Variants in IL1RAPL2 observed in about 807,000 individuals in gnomAD.
The protein encoded by IL1RAPL2 is X-linked interleukin-1 receptor accessory protein-like 2.
IL1RAPL2 carries 3 observed loss-of-function variants against 44.1 expected under a neutral mutation model. That is an observed-to-expected ratio of 0.07 (90% confidence interval 0.03 to 0.18). The LOEUF is 0.18. Ranked by LOEUF, IL1RAPL2 falls within the 10% of genes least tolerant of loss-of-function variation. The pLI, the probability that IL1RAPL2 is intolerant of heterozygous loss-of-function variation, is 1.00. For missense variants in IL1RAPL2, 391 were observed against 496.4 expected (o/e 0.79, Z 2.02); for synonymous variants, 181 against 178.8 (o/e 1.01, Z -0.10).
intron 2 of IL1RAPL2, among the ~76,000 whole-genome samples, chrX:105,019,416 G>T (rs911109614): frequency 1.6e-4 from 18 of 111,149 alleles, no homozygotes; most frequent in Middle Eastern, 4.7e-3. Flanking sequence ...GATTACTAAG[G>T]TATAATTAGT....
intron 5 of IL1RAPL2, among the ~76,000 whole-genome samples, chrX:105,354,465 A>G (rs954285813): frequency 7.8e-5 from 7 of 89,524 alleles, no homozygotes; most frequent in Admixed American, 1.3e-4. Flanking sequence ...GAACACATGG[A>G]CACAGGAAGG....
intron 2 of IL1RAPL2, among the ~76,000 whole-genome samples, chrX:105,053,006 G>A (rs1454123067): frequency 9.0e-6 from 1 of 110,501 alleles, no homozygotes; most frequent in African/African-American, 3.3e-5. Flanking sequence ...AGTTTGCTGA[G>A]GATGATGGCT....
chrX:104,888,236 CAGAG>C (rs201487810), intron 2 of IL1RAPL2, among the ~76,000 whole-genome samples: 212 of 88,122 alleles, frequency 2.4e-3, no homozygotes, highest in Non-Finnish European at 2.9e-3. Context: ...GACAGAAAGT[CAGAG>C]AGAGAGAGAG....
chrX:105,243,007 G>A (rs782590597), intron 4 of IL1RAPL2, among the ~76,000 whole-genome samples: 1 of 110,707 alleles, frequency 9.0e-6, no homozygotes, highest in Non-Finnish European at 1.9e-5. Flanking sequence ...GCTGAGGCAG[G>A]AGGATCACTT....
intron 1 of IL1RAPL2, among the ~76,000 whole-genome samples, chrX:104,612,775 C>T (rs1929189643): frequency 9.0e-6 from 1 of 111,278 alleles, no homozygotes; most frequent in African/African-American, 3.3e-5. Flanking sequence ...GGCAGTATGG[C>T]TATTTTAATG....
At chrX:105,203,677 A>G (rs960546969) in intron 3 of IL1RAPL2, among the ~76,000 whole-genome samples, 1 of 111,820 alleles carries the variant, frequency 8.9e-6, no homozygotes, top group Non-Finnish European at 1.9e-5. Context: ...TGGGCATGCC[A>G]GTTTTCAGTT....
chrX:104,845,529 T>C (rs1295661807), intron 2 of IL1RAPL2, among the ~76,000 whole-genome samples: 2 of 112,268 alleles, frequency 1.8e-5, no homozygotes, highest in Non-Finnish European at 3.8e-5. Flanking sequence ...ATAATTATCT[T>C]GGCTACAAGG....
At chrX:104,904,210 A>C (rs888469382) in intron 2 of IL1RAPL2, among the ~76,000 whole-genome samples, 10 of 100,315 alleles carry the variant, frequency 1.0e-4, no homozygotes, top group Non-Finnish European at 1.8e-4. Flanking sequence ...TAACATGGAA[A>C]GTACTTATCT....
chrX:104,877,603 A>G (rs1306549327), intron 2 of IL1RAPL2, among the ~76,000 whole-genome samples: 1 of 112,591 alleles, frequency 8.9e-6, no homozygotes, highest in South Asian at 3.6e-4. Context: ...AATCAGCATT[A>G]GTGTAGAACT....
chrX:105,504,522 G>GA (rs1054062206), intron 6 of IL1RAPL2, among the ~76,000 whole-genome samples: 1 of 110,839 alleles, frequency 9.0e-6, no homozygotes, highest in Non-Finnish European at 1.9e-5. Context: ...TTATAGATCA[G>GA]AAAAAAAATG....
chrX:104,714,599 A>C (rs2147559819), intron 2 of IL1RAPL2, among the ~76,000 whole-genome samples: 1 of 111,411 alleles, frequency 9.0e-6, no homozygotes, highest in South Asian at 3.7e-4. Context: ...TTCTTTATAA[A>C]GTATTCTGTC....
intron 3 of IL1RAPL2, among the ~76,000 whole-genome samples, chrX:105,223,647 G>A (rs781787564): frequency 2.7e-5 from 3 of 111,867 alleles, no homozygotes; most frequent in African/African-American, 9.8e-5. Context: ...CTGTTAAGAG[G>A]TTCCTTCAAC....
intron 5 of IL1RAPL2, among the ~76,000 whole-genome samples, chrX:105,437,945 T>A (rs1307420207): frequency 8.9e-6 from 1 of 111,904 alleles, no homozygotes; most frequent in Non-Finnish European, 1.9e-5. Flanking sequence ...GCTAAAAGTA[T>A]GAGATTAATA....
chrX:105,261,367 C>T (rs923382211), intron 4 of IL1RAPL2, among the ~76,000 whole-genome samples: 5 of 112,124 alleles, frequency 4.5e-5, no homozygotes, highest in Admixed American at 1.9e-4. Context: ...TGTATTTACT[C>T]GCCCCTTCTT....
At chrX:105,570,278 G>A (rs761871605) in intron 6 of IL1RAPL2, among the ~76,000 whole-genome samples, 2 of 111,775 alleles carry the variant, frequency 1.8e-5, no homozygotes, top group Non-Finnish European at 3.8e-5. Flanking sequence ...CATCCAAATG[G>A]CTGCAAAGGC....
chrX:104,734,488 T>C (rs1359133677), intron 2 of IL1RAPL2, among the ~76,000 whole-genome samples: 1 of 112,583 alleles, frequency 8.9e-6, no homozygotes, highest in Non-Finnish European at 1.9e-5. Flanking sequence ...TTTTGATTCA[T>C]CCATCAACTT....
chrX:105,245,487 T>C (rs736637), intron 4 of IL1RAPL2, among the ~76,000 whole-genome samples: 15,635 of 111,750 alleles, frequency 0.14, 2,077 homozygotes, highest in African/African-American at 0.42. Flanking sequence ...ATTCTCTATC[T>C]GAACTGCATC....
At chrX:104,637,288 G>C (rs925897473) in intron 1 of IL1RAPL2, among the ~76,000 whole-genome samples, 2 of 111,094 alleles carry the variant, frequency 1.8e-5, no homozygotes, top group South Asian at 7.7e-4. Flanking sequence ...GACTTCCTCT[G>C]TTCCAATTTG....
chrX:104,962,837 G>T (rs780121060), intron 2 of IL1RAPL2, among the ~76,000 whole-genome samples: 7 of 111,941 alleles, frequency 6.3e-5, no homozygotes, highest in African/African-American at 1.9e-4. Flanking sequence ...CTGGGCCTCT[G>T]CTTCCCCTAT....
Sources: gnomAD v4.1 joint callset for allele counts (sites outside exome capture counted in the v4.1 genomes callset) on GRCh38, gnomAD v4.1.1 for gene constraint, MANE v1.5 for transcripts, NCBI Gene and HGNC (gene_info 2026-07-23, HGNC 2026-07-21) for gene names.